The following METTL13 variants were observed in gnomAD, a reference collection of about 807,000 sequenced individuals.
METTL13 encodes eEF1A lysine and N-terminal methyltransferase.
A neutral mutation model predicts 67.4 loss-of-function variants in METTL13; 52 were observed. That is an observed-to-expected ratio of 0.77 (90% CI 0.62 to 0.97). The LOEUF (loss-of-function observed/expected upper bound fraction) is 0.97, where lower values mean the gene tolerates loss of function less well. METTL13 is among the 50% of genes least tolerant of loss of function. The pLI, the probability that METTL13 is intolerant of heterozygous loss-of-function variation, is 0.00. For missense variants in METTL13, 825 were observed against 889.6 expected (o/e 0.93, Z 0.92); for synonymous variants, 354 against 353.6 (o/e 1.00, Z -0.01).
chr1:171,789,199 A>C (rs1657120706), intron 4 of METTL13, among the ~76,000 whole-genome samples: 1 of 152,210 alleles, frequency 6.6e-6, no homozygotes, highest in Non-Finnish European at 1.5e-5. Flanking sequence ...TTGGTGAGCA[A>C]GAAGGAGAGC....
chr1:171,786,834 G>GC (rs1553265186), intron 3 of METTL13, among the ~76,000 whole-genome samples: 4 of 148,768 alleles, frequency 2.7e-5, no homozygotes, highest in Non-Finnish European at 6.0e-5. Flanking sequence ...TACCTGGCTA[G>GC]TTTTTTTTTT....
chr1:171,796,444 G>C, intron 7 of METTL13, 38 bp from the exon 8 acceptor site: 1 of 1,609,112 alleles, frequency 6.2e-7, no homozygotes, highest in Non-Finnish European at 8.5e-7. Flanking sequence ...TATGTCTCCT[G>C]ATGTGAGGTC....
chr1:171,791,774 C>A (rs909003722), intron 5 of METTL13, among the ~76,000 whole-genome samples: 9 of 152,128 alleles, frequency 5.9e-5, no homozygotes, highest in African/African-American at 1.9e-4. Flanking sequence ...ACTTTGAGAT[C>A]TTTAAGAGAC....
chr1:171,790,610 C>T lies in METTL13; in HGVS notation c.1468C>T (p.Leu490Phe). 1.3e-6 allele frequency: 2 copies of T among 1,548,450 alleles called. No homozygotes were observed. Among genetic ancestry groups the T allele is most frequent in the East Asian group, 2.4e-5 (1 of 42,056 alleles). ...GLALLRNPELLLEIPLALLVV... is the reference protein window; with the variant it reads ...GLALLRNPELFLEIPLALLVV... ...TGCCCTGCTGAGAAACCCAGAGCTACTCCTAGGTGAGAGAGATGCCACTGC... is the reference window on the plus strand; with the variant it reads ...TGCCCTGCTGAGAAACCCAGAGCTATTCCTAGGTGAGAGAGATGCCACTGC... Residue 490 changes from leucine (L) to phenylalanine (F), a missense_variant, in exon 5 of 8, where the codon CTC becomes TTC. By Grantham distance (22) the Leu-to-Phe change is conservative. Transcript: ENST00000361735.
chr1:171,787,859 G>A lies in METTL13; in HGVS notation c.1238G>A (p.Arg413Gln). Residue 413 changes from arginine (R) to glutamine (Q), a missense_variant, in exon 4 of 8, where the codon CGA (arginine) becomes CAA (glutamine). Coordinates refer to ENST00000361735, the MANE Select transcript of METTL13 (RefSeq NM_015935.5). ...GGGGATGACAAGCGATACTTCCGTC[G>A]ACTGATCTTCCTCAGCAACAGGAAT... ...VQGDDKRYFRRLIFLSNRNVV... is the reference protein window; with the variant it reads ...VQGDDKRYFRQLIFLSNRNVV... 1 of 1,614,096 alleles carries A rather than the reference G, an allele frequency of 6.2e-7. No homozygotes were observed. Among genetic ancestry groups the A allele is most frequent in the Non-Finnish European group, 8.5e-7 (1 of 1,180,004 alleles).
chr1:171,787,239 T>G (rs1349233483), intron 3 of METTL13, among the ~76,000 whole-genome samples: 1 of 152,122 alleles, frequency 6.6e-6, no homozygotes, highest in East Asian at 1.9e-4. Flanking sequence ...GGGGAAAGTA[T>G]ATTTTTCTCC....
intron 4 of METTL13, 130 bp from the exon 5 acceptor site, chr1:171,790,322 C>A: frequency 1.0e-6 from 1 of 954,738 alleles, no homozygotes; most frequent in Non-Finnish European, 1.4e-6. Context: ...AACATGATGT[C>A]AACCAGTTTG....
chr1:171,782,396 C>T lies in METTL13; in HGVS notation c.153+276C>T, dbSNP rs530014671. Among the ~76,000 whole-genome samples the T allele has an allele frequency of 3.3e-5, 5 of 151,402 alleles. No individual in the cohort carries two copies. In the South Asian group the frequency reaches 1.0e-3, roughly 32 times the overall value. On this transcript the variant is annotated intron_variant, in intron 1 of 7. Transcript: ENST00000361735. ...GACCAGCCTGGGGAACATGAGACCT[C>T]GTCTCTACAAAAAATGAAAAAATTA...
Position 171,796,691 on chromosome 1 carries a change from C to G in METTL13, c.2035C>G (p.Pro679Ala), listed in dbSNP as rs1168694817. The G allele has an allele frequency of 1.2e-6, 2 of 1,614,188 alleles. No individual in the cohort carries two copies. Among genetic ancestry groups the G allele is most frequent in the Non-Finnish European group, 1.7e-6 (2 of 1,180,032 alleles). Residue 679 changes from proline (P) to alanine (A), a missense_variant, in exon 8 of 8, where the codon CCT becomes GCT. Pro to Ala is a conservative substitution (Grantham distance 27, BLOSUM62 -1). Transcript: ENST00000361735. ...GGCTTTGGAGCGGACCCTGAGGAAG[C>G]CTGGGAGGGGTTGGGATGACACGTA... is the stretch of plus-strand genomic sequence containing the variant. Reference protein sequence around the residue: ...AQALERTLRKPGRGWDDTYVL... With the variant: ...AQALERTLRKAGRGWDDTYVL...
In METTL13 at chr1:171,782,125, G is replaced by A. The variant is rs369617274; in HGVS notation, c.153+5G>A. On this transcript the variant is annotated splice_donor_5th_base_variant and intron_variant, in intron 1 of 7. Transcript: ENST00000361735. ...TATATCAAGCCCAGGGAAAAGGTGA[G>A]GAGCGCGGGTTGGTAGCCCTTCGTA... 6.2e-7 allele frequency: 1 copy of A among 1,612,836 alleles called. No individual in the cohort carries two copies. Among genetic ancestry groups the A allele is most frequent in the Non-Finnish European group, 8.5e-7 (1 of 1,179,116 alleles).
At chr1:171,794,667 G>C (rs1265529216) in intron 7 of METTL13, 140 bp downstream of exon 7, 32 of 1,235,002 alleles carry the variant, frequency 2.6e-5, no homozygotes, top group Non-Finnish European at 3.3e-5. Flanking sequence ...ACTAGACACA[G>C]AAAATTTCCA....
At chr1:171,789,585 T>G (rs1657133835) in intron 4 of METTL13, among the ~76,000 whole-genome samples, 1 of 152,212 alleles carries the variant, frequency 6.6e-6, no homozygotes, top group Non-Finnish European at 1.5e-5. Flanking sequence ...ATGATAAGGT[T>G]GTTAGAAGAG....
rs761510019 is a variant in METTL13, at chr1:171,789,614, C to T, written c.1310-838C>T. Among the ~76,000 whole-genome samples the T allele has an allele frequency of 5.3e-5, 8 of 152,240 alleles. No homozygotes were observed. The South Asian group carries it at 6.2e-4, about 12-fold the overall frequency. ...AGAAGAGCTAAAAAAATAAAAGTTA[C>T]GGTATAGTAATTGGCACATAGCAGG... On this transcript the variant is annotated intron_variant, in intron 4 of 7. Coordinates refer to ENST00000361735, the MANE Select transcript of METTL13 (RefSeq NM_015935.5).
At chr1:171,787,625 G>T in intron 3 of METTL13, 110 bp from the exon 4 acceptor site, 2 of 979,956 alleles carry the variant, frequency 2.0e-6, no homozygotes, top group South Asian at 1.7e-5. Flanking sequence ...AGTAGTTGTT[G>T]TCTAGAACCG....
intron 4 of METTL13, 137 bp downstream of exon 4, chr1:171,788,067 G>A: frequency 2.6e-6 from 2 of 761,642 alleles, no homozygotes; most frequent in East Asian, 5.4e-5. Flanking sequence ...GGTGTGAATA[G>A]CTATAAGCAG....
chr1:171,789,354 G>C (rs896989003), intron 4 of METTL13, among the ~76,000 whole-genome samples: 121 of 152,334 alleles, frequency 7.9e-4, no homozygotes, highest in African/African-American at 2.8e-3. Flanking sequence ...GGAGTGGTGA[G>C]AGGGAAAGTG....
chr1:171,786,116 A>G (rs1329321055), intron 3 of METTL13, 38 bp downstream of exon 3: 2 of 1,579,818 alleles, frequency 1.3e-6, no homozygotes. Context: ...GGGTCTCTGA[A>G]GTCATGTTAG....
intron 7 of METTL13, 42 bp from the exon 8 acceptor site, chr1:171,796,440 T>A (rs758375370): frequency 1.2e-6 from 2 of 1,606,802 alleles, no homozygotes; most frequent in Non-Finnish European, 1.7e-6. Flanking sequence ...TTCATATGTC[T>A]CCTGATGTGA....
intron 2 of METTL13, among the ~76,000 whole-genome samples, chr1:171,785,161 A>G (rs1448641157): frequency 6.6e-6 from 1 of 152,248 alleles, no homozygotes; most frequent in African/African-American, 2.4e-5. Context: ...TGCTGTGTAA[A>G]TGTTAGCCAT....
Sources: gnomAD v4.1 joint callset for allele counts (sites outside exome capture counted in the v4.1 genomes callset) on GRCh38, gnomAD v4.1.1 for gene constraint, MANE v1.5 for transcripts, NCBI Gene and HGNC (gene_info 2026-07-23, HGNC 2026-07-21) for gene names.